The following A1CF variants were observed in gnomAD, a reference collection of about 807,000 sequenced individuals.
A1CF encodes APOBEC1 complementation factor, also known as APOBEC-1 stimulating protein.
A1CF carries 48 observed loss-of-function variants against 68.9 expected under a neutral mutation model. The observed-to-expected ratio is 0.70, with a 90% CI of 0.55 to 0.89. The LOEUF is 0.89. Among genes scored for constraint, A1CF ranks in the 40% least tolerant of loss-of-function variants. A1CF has a pLI of 0.00. For missense variants in A1CF, 653 were observed against 718.9 expected (o/e 0.91, Z 1.05); for synonymous variants, 272 against 260.4 (o/e 1.04, Z -0.43).
At chr10:50,849,024 G>T (rs1287021632) in intron 3 of A1CF, among the ~76,000 whole-genome samples, 1 of 152,004 alleles carries the variant, frequency 6.6e-6, no homozygotes, top group Non-Finnish European at 1.5e-5. Context: ...TTGAATAAAA[G>T]TATTTATTAG....
At chr10:50,828,397 C>CAAT in intron 6 of A1CF, 102 bp from the exon 7 acceptor site, 1 of 889,434 alleles carries the variant, frequency 1.1e-6, no homozygotes, top group Non-Finnish European at 1.6e-6. Context: ...CCCTTGAGGT[C>CAAT]TTGAATGAGC....
At chr10:50,842,263 G>C (rs1441558260) in intron 4 of A1CF, among the ~76,000 whole-genome samples, 1 of 152,188 alleles carries the variant, frequency 6.6e-6, no homozygotes, top group Non-Finnish European at 1.5e-5. Context: ...TGTGTTTTTG[G>C]TAGGGCAAAT....
In A1CF at chr10:50,859,943, A is replaced by T. The variant is rs375855878; in HGVS notation, c.-3T>A. On this transcript the variant is annotated 5_prime_UTR_variant, in exon 3 of 13. Coordinates refer to ENST00000373997, the MANE Select transcript of A1CF (RefSeq NM_014576.4). ...CCGGATTTGTGATTTGATTCCATTG[A>T]GAGTGATTATCAGCAAAAAATCAGG... 1.3e-5 allele frequency: 21 copies of T among 1,613,362 alleles called. No homozygotes were observed. The African/African-American group carries it at 2.8e-4, about 22-fold the overall frequency.
At position 50,806,842 on chromosome 10, in the gene A1CF, C is replaced by A. The variant is rs11817448; in HGVS notation, c.1648G>T (p.Ala550Ser). ...VPNATAPVSA[A>S]QLKQAVTLGQ... ...AGGGTTACCGCTTGCTTGAGCTGGG[C>A]TGCAGACACGGGTGCAGTTGCATTA... is the stretch of plus-strand genomic sequence containing the variant. Residue 550 changes from alanine (A) to serine (S), a missense_variant, in exon 13 of 13, where the codon GCC (alanine) becomes TCC (serine). By Grantham distance (99) the Ala-to-Ser change is moderately conservative. Transcript: ENST00000373997. 2,656 of 1,613,380 alleles carry A rather than the reference C, an allele frequency of 1.6e-3. 42 individuals carry two copies. The African/African-American group carries it at 0.032, about 19-fold the overall frequency.
chr10:50,807,215 G>T (rs4382847), intron 12 of A1CF, among the ~76,000 whole-genome samples: 125,641 of 151,984 alleles, frequency 0.83, 52,250 homozygotes, highest in East Asian at 0.99. Flanking sequence ...GATTTTTAGC[G>T]TTTTGAGGGT....
At chr10:50,859,609 G>T (rs1840646804) in intron 3 of A1CF, among the ~76,000 whole-genome samples, 1 of 152,180 alleles carries the variant, frequency 6.6e-6, no homozygotes, top group Non-Finnish European at 1.5e-5. Context: ...TATAACTGTG[G>T]ACACTGATTC....
At chr10:50,815,902 A>G in intron 9 of A1CF, 104 bp downstream of exon 9, 1 of 1,320,856 alleles carries the variant, frequency 7.6e-7, no homozygotes, top group Non-Finnish European at 1.0e-6. Context: ...ACAATTTTTC[A>G]GTGCTTTTCT....
chr10:50,808,356 A>G (rs1210776955), intron 12 of A1CF, among the ~76,000 whole-genome samples: 2 of 152,232 alleles, frequency 1.3e-5, no homozygotes, highest in Admixed American at 1.3e-4. Context: ...AGTGAGAATA[A>G]GATAAAACAT....
intron 5 of A1CF, among the ~76,000 whole-genome samples, chr10:50,838,072 A>C (rs1839596873): frequency 6.6e-6 from 1 of 152,214 alleles, no homozygotes; most frequent in Non-Finnish European, 1.5e-5. Context: ...TTTTGTAATA[A>C]CACTAAGTTA....
At chr10:50,845,377 G>A (rs1440391231) in intron 3 of A1CF, among the ~76,000 whole-genome samples, 2 of 152,190 alleles carry the variant, frequency 1.3e-5, no homozygotes, top group Middle Eastern at 3.4e-3. Flanking sequence ...ACATTAATGA[G>A]TTTTATTTAT....
chr10:50,811,907 C>T (rs967624681), intron 10 of A1CF, among the ~76,000 whole-genome samples: 2 of 152,122 alleles, frequency 1.3e-5, no homozygotes, highest in Admixed American at 6.5e-5. Context: ...CTGATGCTCT[C>T]GTTAGTCAGC....
intron 5 of A1CF, among the ~76,000 whole-genome samples, chr10:50,837,306 G>C (rs558540862): frequency 6.6e-6 from 1 of 152,254 alleles, no homozygotes; most frequent in Non-Finnish European, 1.5e-5. Flanking sequence ...CCACTGTACA[G>C]AGTTGCTTCT....
At chr10:50,877,387 T>C (rs1332069919) in intron 1 of A1CF, among the ~76,000 whole-genome samples, 1 of 152,244 alleles carries the variant, frequency 6.6e-6, no homozygotes, top group African/African-American at 2.4e-5. Context: ...CTGAACTTAG[T>C]TGCTGCATCT....
At chr10:50,835,730 C>A (rs921617886) in intron 6 of A1CF, among the ~76,000 whole-genome samples, 5 of 151,970 alleles carry the variant, frequency 3.3e-5, no homozygotes, top group Non-Finnish European at 5.9e-5. Context: ...GAGAATATAC[C>A]CTAATTCTAA....
At position 50,840,012 on chromosome 10, in the gene A1CF, G is replaced by A. The variant is rs184198848; in HGVS notation, c.365+1850C>T. On this transcript the variant is annotated intron_variant, in intron 5 of 12. Transcript: ENST00000373997. ...CCGCCTTGGCCTCCCAAAGTGCTAG[G>A]ATTACAGGCGTGAGTCACTGTGTCC... 1.4e-3 allele frequency among the ~76,000 whole-genome samples: 210 copies of A among 152,306 alleles called. 1 individual carries two copies. Among genetic ancestry groups the A allele is most frequent in the Non-Finnish European group, 1.8e-3 (124 of 68,014 alleles).
At chr10:50,864,675 A>G (rs1840899983) in intron 1 of A1CF, among the ~76,000 whole-genome samples, 1 of 151,790 alleles carries the variant, frequency 6.6e-6, no homozygotes, top group African/African-American at 2.4e-5. Context: ...CTGGAGTGCA[A>G]TGGCATGATC....
chr10:50,863,155 A>G (rs1337636576), intron 2 of A1CF, among the ~76,000 whole-genome samples: 1 of 152,210 alleles, frequency 6.6e-6, no homozygotes, highest in Non-Finnish European at 1.5e-5. Flanking sequence ...GTCATTGGGA[A>G]TCAGGGCATG....
At chr10:50,852,047 T>C (rs961666770) in intron 3 of A1CF, among the ~76,000 whole-genome samples, 1 of 152,214 alleles carries the variant, frequency 6.6e-6, no homozygotes, top group Non-Finnish European at 1.5e-5. Context: ...TAAGAAAAAG[T>C]GTGAATTTGT....
chr10:50,837,502 A>T (rs1386730883), intron 5 of A1CF, among the ~76,000 whole-genome samples: 1 of 152,242 alleles, frequency 6.6e-6, no homozygotes. Flanking sequence ...AAGGATATTT[A>T]TTACTGCTCT....
Sources: gnomAD v4.1 joint callset for allele counts (sites outside exome capture counted in the v4.1 genomes callset) on GRCh38, gnomAD v4.1.1 for gene constraint, MANE v1.5 for transcripts, NCBI Gene and HGNC (gene_info 2026-07-23, HGNC 2026-07-21) for gene names.